Variants in ASIC2 observed in about 807,000 individuals in gnomAD.
ASIC2 encodes the protein acid sensing ion channel subunit 2, also known as acid-sensing ion channel 2.
Under a neutral mutation model 57.3 loss-of-function variants are expected in ASIC2, and 25 were observed. That is an observed-to-expected ratio of 0.44 (90% CI 0.32 to 0.61). ASIC2 has a LOEUF of 0.61. Ranked by LOEUF, ASIC2 falls within the 20% of genes least tolerant of loss-of-function variation. ASIC2 has a pLI of 0.06. For missense variants in ASIC2, 641 were observed against 738.1 expected (o/e 0.87, Z 1.52); for synonymous variants, 319 against 307.5 (o/e 1.04, Z -0.39).
intron 1 of ASIC2, among the ~76,000 whole-genome samples, chr17:33,269,607 CTCCT>C (rs1359063175): frequency 6.6e-6 from 1 of 151,266 alleles, no homozygotes; most frequent in South Asian, 2.1e-4. Flanking sequence ...AACCTAAGGG[CTCCT>C]TCCCTTCCTT....
intron 1 of ASIC2, among the ~76,000 whole-genome samples, chr17:33,763,274 A>G (rs1411351981): frequency 6.6e-6 from 1 of 152,204 alleles, no homozygotes; most frequent in African/African-American, 2.4e-5. Flanking sequence ...AAATATCTGT[A>G]GAATGAATGA....
chr17:33,420,098 G>A (rs1393903212), intron 1 of ASIC2, among the ~76,000 whole-genome samples: 8 of 152,298 alleles, frequency 5.3e-5, no homozygotes, highest in Non-Finnish European at 7.4e-5. Context: ...ATCATAAGCT[G>A]CGCTATATTT....
chr17:33,386,397 T>C (rs1909678106), intron 1 of ASIC2, among the ~76,000 whole-genome samples: 1 of 152,228 alleles, frequency 6.6e-6, no homozygotes, highest in Admixed American at 6.5e-5. Context: ...TTCCAAGAGT[T>C]ATTCATTCCA....
chr17:33,597,318 G>A (rs1567664665), intron 1 of ASIC2, among the ~76,000 whole-genome samples: 1 of 152,134 alleles, frequency 6.6e-6, no homozygotes, highest in East Asian at 1.9e-4. Flanking sequence ...GTGGCGGAGA[G>A]TTTTTTTCAC....
At chr17:34,049,953 C>A (rs1908492317) in intron 1 of ASIC2, among the ~76,000 whole-genome samples, 1 of 152,116 alleles carries the variant, frequency 6.6e-6, no homozygotes, top group Non-Finnish European at 1.5e-5. Flanking sequence ...GAGTTGAGTC[C>A]CCAACTATTT....
At chr17:33,884,367 G>A (rs1914775372) in intron 1 of ASIC2, among the ~76,000 whole-genome samples, 1 of 152,192 alleles carries the variant, frequency 6.6e-6, no homozygotes, top group South Asian at 2.1e-4. Context: ...TAGGGATAGT[G>A]ATAGTTCCCA....
Position 33,070,299 on chromosome 17 carries a change from A to G in ASIC2, c.987+18564T>C, listed in dbSNP as rs974374959. 2.6e-5 allele frequency among the ~76,000 whole-genome samples: 4 copies of G among 151,760 alleles called. No individual in the cohort carries two copies. The East Asian group carries it at 5.8e-4, about 22-fold the overall frequency. On this transcript the variant is annotated intron_variant, in intron 3 of 9. Transcript: ENST00000225823. ...ACAAGGAAAATATATTTACCATTGT[A>G]GTTATAGGTTGGTGCAAAAGTAACC... is the stretch of plus-strand genomic sequence containing the variant.
At chr17:33,518,548 T>G (rs1914641643) in intron 1 of ASIC2, among the ~76,000 whole-genome samples, 1 of 152,206 alleles carries the variant, frequency 6.6e-6, no homozygotes, top group Non-Finnish European at 1.5e-5. Flanking sequence ...CCAGCTGTTC[T>G]CTCCCTGGGG....
intron 3 of ASIC2, among the ~76,000 whole-genome samples, chr17:33,070,737 T>G (rs1037819035): frequency 1.3e-4 from 20 of 152,160 alleles, no homozygotes; most frequent in African/African-American, 4.6e-4. Flanking sequence ...GTCAATTTCC[T>G]TTTCCTTGAA....
chr17:33,972,484 G>A (rs150569751), intron 1 of ASIC2, among the ~76,000 whole-genome samples: 120 of 152,266 alleles, frequency 7.9e-4, no homozygotes, highest in Middle Eastern at 3.4e-3. Flanking sequence ...AGTTCTTTGC[G>A]TAGGACTGGT....
intron 1 of ASIC2, among the ~76,000 whole-genome samples, chr17:33,728,812 C>T (rs1909646170): frequency 6.6e-6 from 1 of 152,152 alleles, no homozygotes; most frequent in Non-Finnish European, 1.5e-5. Flanking sequence ...ACCAGAGCTG[C>T]AGCGCCTATG....
chr17:33,857,528 T>C (rs994467211), intron 1 of ASIC2, among the ~76,000 whole-genome samples: 1 of 152,066 alleles, frequency 6.6e-6, no homozygotes, highest in Non-Finnish European at 1.5e-5. Flanking sequence ...CAAAAGGAAG[T>C]GAGAAGTCTA....
intron 2 of ASIC2, among the ~76,000 whole-genome samples, chr17:33,093,092 A>ATAGT (rs1157099421): frequency 2.0e-5 from 3 of 152,214 alleles, no homozygotes; most frequent in Non-Finnish European, 4.4e-5. Context: ...GACTGCACTC[A>ATAGT]TAGTTTGTGG....
At chr17:33,807,932 C>T (rs1018069898) in intron 1 of ASIC2, among the ~76,000 whole-genome samples, 2 of 152,190 alleles carry the variant, frequency 1.3e-5, no homozygotes, top group African/African-American at 4.8e-5. Context: ...TTTTGGATAA[C>T]AGTCCTTTAT....
chr17:33,497,201 G>A (rs1323201907), intron 1 of ASIC2, among the ~76,000 whole-genome samples: 1 of 152,240 alleles, frequency 6.6e-6, no homozygotes, highest in Non-Finnish European at 1.5e-5. Context: ...TGAATGAATG[G>A]ACAGCTTCCC....
At chr17:33,852,330 G>A (rs1389066620) in intron 1 of ASIC2, among the ~76,000 whole-genome samples, 2 of 152,146 alleles carry the variant, frequency 1.3e-5, no homozygotes, top group Non-Finnish European at 2.9e-5. Context: ...GCATGCATGA[G>A]CTAAACCTTC....
At chr17:33,954,633 TGAC>T (rs1457894343) in intron 1 of ASIC2, among the ~76,000 whole-genome samples, 4 of 152,242 alleles carry the variant, frequency 2.6e-5, no homozygotes, top group African/African-American at 9.6e-5. Context: ...TCACCAGTGC[TGAC>T]TGTTCATCCC....
intron 1 of ASIC2, among the ~76,000 whole-genome samples, chr17:33,855,930 G>A (rs1913915416): frequency 6.6e-6 from 1 of 152,006 alleles, no homozygotes; most frequent in African/African-American, 2.4e-5. Flanking sequence ...GCTATGCCTG[G>A]ATATTAAGAG....
intron 1 of ASIC2, among the ~76,000 whole-genome samples, chr17:34,141,783 A>G (rs957798517): frequency 6.6e-6 from 1 of 152,230 alleles, no homozygotes; most frequent in Admixed American, 6.5e-5. Flanking sequence ...GCAATGAGCT[A>G]TGTGTCCTGC....
Sources: gnomAD v4.1 joint callset for allele counts (sites outside exome capture counted in the v4.1 genomes callset) on GRCh38, gnomAD v4.1.1 for gene constraint, MANE v1.5 for transcripts, NCBI Gene and HGNC (gene_info 2026-07-23, HGNC 2026-07-21) for gene names.